PIK3C3: variants seen among roughly 807,000 people sequenced by gnomAD.
The protein encoded by PIK3C3 is PI3-kinase type 3.
Under a neutral mutation model 126.1 loss-of-function variants are expected in PIK3C3, and 95 were observed. The ratio of observed to expected loss-of-function variants is 0.75; its 90% CI spans 0.64 to 0.89. The LOEUF is 0.89. Among genes scored for constraint, PIK3C3 ranks in the 40% least tolerant of loss-of-function variants. The probability of loss-of-function intolerance (pLI) is 0.00; values close to 1 mark genes in which losing one functional copy is unlikely to be tolerated. For synonymous variants in PIK3C3, 374 were observed against 360.0 expected (o/e 1.04, Z -0.44); for missense variants, 829 against 1,063.2 (o/e 0.78, Z 3.06).
chr18:42,062,099 T>C (rs2144512252), intron 22 of PIK3C3, among the ~76,000 whole-genome samples: 1 of 152,314 alleles, frequency 6.6e-6, no homozygotes, highest in African/African-American at 2.4e-5. Flanking sequence ...ACTTCTAATA[T>C]ATCTCTTTCA....
At chr18:42,067,075 A>G (rs1027564508) in intron 23 of PIK3C3, among the ~76,000 whole-genome samples, 2 of 152,298 alleles carry the variant, frequency 1.3e-5, no homozygotes, top group South Asian at 2.1e-4. Flanking sequence ...TTAAAAAAAA[A>G]GGCACACCTT....
In PIK3C3 at chr18:41,955,321, C is replaced by G; in HGVS notation, c.30C>G (p.Ile10Met). The change falls in exon 1 of 25, where the codon ATC (isoleucine) becomes ATG (methionine). Residue 10 changes from isoleucine to methionine, a missense_variant. Physicochemically the swap from Ile to Met is conservative, Grantham distance 10. Coordinates refer to ENST00000262039, the MANE Select transcript of PIK3C3 (RefSeq NM_002647.4). MGEAEKFHYIYSCDLDINVQ... is the reference protein window; with the variant it reads MGEAEKFHYMYSCDLDINVQ... ...GGGAAGCAGAGAAGTTTCACTACAT[C>G]TATAGTTGTGACCTGGATATCAACG... 1.2e-6 allele frequency: 2 copies of G among 1,613,654 alleles called. No homozygotes were observed. The highest frequency in any genetic ancestry group is 1.7e-6 in the Non-Finnish European group (2 of 1,179,758).
chr18:41,993,283 C>A lies in PIK3C3; in HGVS notation c.728C>A (p.Ser243Ter). 1 of 1,606,914 alleles carries A rather than the reference C, an allele frequency of 6.2e-7. No homozygotes were observed. The highest frequency in any genetic ancestry group is 8.5e-7 in the Non-Finnish European group (1 of 1,174,476). Residue 243 changes from serine to a stop codon, truncating the protein, a stop_gained, in exon 7 of 25, where the codon TCA becomes TAA. Transcript: ENST00000262039. LOFTEE classifies it high-confidence loss of function. ...IVYYEKDGDESSPILTSFELV... is the reference protein window; with the variant it reads ...IVYYEKDGDE ...TCTGTAATCTAGGACGGTGATGAATCATCTCCAATTTTAACAAGTTTTGAA... is the reference window on the plus strand; with the variant it reads ...TCTGTAATCTAGGACGGTGATGAATAATCTCCAATTTTAACAAGTTTTGAA...
At chr18:42,015,198 A>G (rs189263648) in intron 11 of PIK3C3, among the ~76,000 whole-genome samples, 3 of 150,678 alleles carry the variant, frequency 2.0e-5, no homozygotes, top group East Asian at 1.9e-4. Context: ...TTAAAGCTAA[A>G]TGGGCTTAAA....
At chr18:42,045,483 T>C (rs1441200443) in intron 20 of PIK3C3, among the ~76,000 whole-genome samples, 1 of 152,192 alleles carries the variant, frequency 6.6e-6, no homozygotes, top group African/African-American at 2.4e-5. Flanking sequence ...CAGATTATAC[T>C]GTCTTAGCTA....
rs1179536310 is a variant in PIK3C3 at position 41,993,259 on chromosome 18, C to T, written c.715-11C>T. 1.3e-6 allele frequency: 2 copies of T among 1,579,884 alleles called. No homozygotes were observed. The highest frequency in any genetic ancestry group is 2.2e-5 in the East Asian group (1 of 44,516). On this transcript the variant is annotated splice_polypyrimidine_tract_variant and intron_variant, in intron 6 of 24. Coordinates refer to ENST00000262039, the MANE Select transcript of PIK3C3 (RefSeq NM_002647.4). ...TTTCTTTTTTTAAAAAATTATTGCT[C>T]TGTAATCTAGGACGGTGATGAATCA... is the stretch of plus-strand genomic sequence containing the variant.
rs145523871 is a variant in PIK3C3, at chr18:42,037,486, G to A, written c.1840-206G>A. On this transcript the variant is annotated intron_variant, in intron 16 of 24. Transcript: ENST00000262039. ...ACATGACTGATTGCAGAGCTTGTGC[G>A]CTTTCCATCGTGTAGTCTTCTGACT... Among the ~76,000 whole-genome samples the A allele has an allele frequency of 2.2e-3, 341 of 152,296 alleles. 1 individual carries two copies. Among genetic ancestry groups the A allele is most frequent in the African/African-American group, 7.5e-3 (312 of 41,564 alleles).
At chr18:41,975,634 C>A (rs1158485413) in intron 4 of PIK3C3, among the ~76,000 whole-genome samples, 2 of 151,760 alleles carry the variant, frequency 1.3e-5, no homozygotes, top group African/African-American at 4.8e-5. Flanking sequence ...TCTTAGTGAA[C>A]CATGAAGGAG....
chr18:41,962,692 T>C, intron 3 of PIK3C3, 60 bp downstream of exon 3: 1 of 1,521,562 alleles, frequency 6.6e-7, no homozygotes. Context: ...CTTTTCTTTT[T>C]CGGAATGAGG....
chr18:42,068,334 A>G (rs186506377), intron 24 of PIK3C3, among the ~76,000 whole-genome samples: 10 of 152,266 alleles, frequency 6.6e-5, no homozygotes, highest in Admixed American at 3.3e-4. Context: ...ATTGTGTTCT[A>G]TGCTGCTTTT....
intron 7 of PIK3C3, 35 bp from the exon 8 acceptor site, chr18:41,995,853 GAA>G: frequency 7.1e-7 from 1 of 1,409,138 alleles, no homozygotes; most frequent in East Asian, 2.3e-5. Flanking sequence ...TCCTTTTGGT[GAA>G]GTTTACATTG....
intron 13 of PIK3C3, among the ~76,000 whole-genome samples, chr18:42,022,106 G>C (rs755279189): frequency 2.0e-5 from 3 of 152,160 alleles, no homozygotes; most frequent in Non-Finnish European, 4.4e-5. Context: ...CTGTACTTAA[G>C]AAGTAGGTAA....
intron 1 of PIK3C3, among the ~76,000 whole-genome samples, chr18:41,957,300 G>A (rs551637020): frequency 6.6e-6 from 1 of 152,210 alleles, no homozygotes; most frequent in South Asian, 2.1e-4. Flanking sequence ...AAATTCAGAA[G>A]TATAAAATAG....
At chr18:41,985,409 G>C (rs140132875) in intron 4 of PIK3C3, among the ~76,000 whole-genome samples, 1 of 152,116 alleles carries the variant, frequency 6.6e-6, no homozygotes, top group Non-Finnish European at 1.5e-5. Context: ...AATTTTTGCT[G>C]TCAATCTCAA....
rs1986422225 is a variant in PIK3C3 at position 42,087,484 on chromosome 18, A to G, written c.*6347A>G. On this transcript the variant is annotated 3_prime_UTR_variant, in exon 25 of 25. Coordinates refer to ENST00000262039, the MANE Select transcript of PIK3C3 (RefSeq NM_002647.4). Reference sequence around the variant, plus strand: ...GGAAGATGAAGCCACCATCTTGAAAATGTCTAGTCCTTAGTTTCTGCTGGC... The same window carrying G: ...GGAAGATGAAGCCACCATCTTGAAAGTGTCTAGTCCTTAGTTTCTGCTGGC... 6.6e-6 allele frequency: 1 copy of G among 152,172 alleles called. No individual in the cohort carries two copies. Among genetic ancestry groups the G allele is most frequent in the African/African-American group, 2.4e-5 (1 of 41,426 alleles). The allele number at this position is 152,172 out of a possible 1,614,324, so 9.4% of individuals were successfully genotyped here. A position where few individuals can be genotyped will look rare whatever the true frequency, so the allele number is the denominator to read the frequency against.
chr18:42,029,279 C>A, intron 14 of PIK3C3, 46 bp from the exon 15 acceptor site: 2 of 1,105,256 alleles, frequency 1.8e-6, no homozygotes, highest in South Asian at 1.2e-5. Context: ...AAATCCAGAT[C>A]ATTACGCAAC....
chr18:42,011,428 T>G (rs1182990254), intron 10 of PIK3C3, among the ~76,000 whole-genome samples: 1 of 152,234 alleles, frequency 6.6e-6, no homozygotes, highest in South Asian at 2.1e-4. Flanking sequence ...TTAAATCTCA[T>G]GAACAAACCT....
intron 24 of PIK3C3, among the ~76,000 whole-genome samples, chr18:42,073,546 T>C (rs1160400067): frequency 1.3e-5 from 2 of 152,160 alleles, no homozygotes; most frequent in East Asian, 3.9e-4. Context: ...ATCCCAAAAT[T>C]GAAAATTCTG....
At chr18:41,989,692 G>A (rs774818990) in intron 5 of PIK3C3, among the ~76,000 whole-genome samples, 4 of 151,944 alleles carry the variant, frequency 2.6e-5, no homozygotes, top group African/African-American at 9.7e-5. Flanking sequence ...ATATAACCTC[G>A]GTGTGCTATA....
Sources: gnomAD v4.1 joint callset for allele counts (sites outside exome capture counted in the v4.1 genomes callset) on GRCh38, gnomAD v4.1.1 for gene constraint, MANE v1.5 for transcripts, NCBI Gene and HGNC (gene_info 2026-07-23, HGNC 2026-07-21) for gene names.